The following NEK10 variants were observed in gnomAD, a reference collection of about 807,000 sequenced individuals.
The protein encoded by NEK10 is NIMA related kinase 10, also known as serine/threonine-protein kinase Nek10.
NEK10 carries 122 observed loss-of-function variants against 159.8 expected under a neutral mutation model. The observed-to-expected ratio is 0.76, with a 90% CI of 0.66 to 0.89. The LOEUF is 0.89. Ranked by LOEUF, NEK10 falls within the 40% of genes least tolerant of loss-of-function variation. The pLI is 0.00. For missense variants in NEK10, 1,342 were observed against 1,323.1 expected (o/e 1.01, Z -0.22); for synonymous variants, 466 against 457.1 (o/e 1.02, Z -0.25).
Position 27,340,278 on chromosome 3 carries a change from G to A in NEK10, c.362+3994C>T, listed in dbSNP as rs570386089. The stretch of plus-strand genomic sequence containing the variant: ...AGGAACAGAAAACCAAACACCGCAT[G>A]TTCTCACTCATATGTGGAAGTTGAA... On this transcript the variant is annotated intron_variant, in intron 5 of 35. Transcript: ENST00000691995. Among the ~76,000 whole-genome samples, 11 of 152,272 alleles carry A rather than the reference G, an allele frequency of 7.2e-5. No individual in the cohort carries two copies. In the East Asian group the frequency reaches 2.1e-3, roughly 29 times the overall value.
At chr3:27,273,872 G>T (rs1029518994) in intron 22 of NEK10, among the ~76,000 whole-genome samples, 3 of 152,028 alleles carry the variant, frequency 2.0e-5, no homozygotes, top group African/African-American at 7.3e-5. Flanking sequence ...GTCAGTGAGG[G>T]ACGGGAAGGA....
At chr3:27,212,401 CAAAA>C (rs1340808876) in intron 23 of NEK10, among the ~76,000 whole-genome samples, 1 of 152,170 alleles carries the variant, frequency 6.6e-6, no homozygotes, top group Non-Finnish European at 1.5e-5. Context: ...GGCTGAAGAA[CAAAA>C]GAAATGTATT....
intron 23 of NEK10, among the ~76,000 whole-genome samples, chr3:27,229,788 A>C (rs1187839333): frequency 6.6e-6 from 1 of 152,128 alleles, no homozygotes; most frequent in African/African-American, 2.4e-5. Context: ...GCCCAAAGAA[A>C]AGGCTTTCAA....
At chr3:27,332,195 A>G (rs1425050768) in intron 5 of NEK10, among the ~76,000 whole-genome samples, 1 of 152,236 alleles carries the variant, frequency 6.6e-6, no homozygotes, top group Non-Finnish European at 1.5e-5. Flanking sequence ...TATGAAACCA[A>G]GATGTATTTT....
At chr3:27,292,740 A>T (rs35840701) in intron 16 of NEK10, among the ~76,000 whole-genome samples, 6 of 148,416 alleles carry the variant, frequency 4.0e-5, no homozygotes, top group Admixed American at 3.3e-4. Context: ...AGGCTGAGGC[A>T]GGAGAAGCAA....
At chr3:27,115,001 T>C (rs1438427063) in intron 35 of NEK10, among the ~76,000 whole-genome samples, 2 of 152,204 alleles carry the variant, frequency 1.3e-5, no homozygotes, top group Non-Finnish European at 2.9e-5. Flanking sequence ...AATTCAATAA[T>C]GGAATACCTG....
In NEK10 at chr3:27,210,688, T is replaced by G. The variant is rs1268933682; in HGVS notation, c.2091-8131A>C. 2.0e-5 allele frequency among the ~76,000 whole-genome samples: 3 copies of G among 152,352 alleles called. No individual in the cohort carries two copies. In the East Asian group the frequency reaches 5.8e-4, roughly 29 times the overall value. The stretch of plus-strand genomic sequence containing the variant: ...ATTTCATATTGTTCTTATGTACACA[T>G]GTGCAAGTAATAATTTCTATACCTT... On this transcript the variant is annotated intron_variant, in intron 23 of 35. Coordinates refer to ENST00000691995, the MANE Select transcript of NEK10 (RefSeq NM_001394966.1).
chr3:27,215,087 C>A, intron 23 of NEK10: 1 of 501,926 alleles, frequency 2.0e-6, no homozygotes, highest in Non-Finnish European at 3.7e-6. Flanking sequence ...GCAAGTCTCG[C>A]GAGCTATTTT....
At chr3:27,285,058 C>T (rs930981091) in intron 20 of NEK10, 97 bp from the exon 21 acceptor site, 19 of 872,208 alleles carry the variant, frequency 2.2e-5, no homozygotes, top group African/African-American at 1.2e-4. Flanking sequence ...AGTGTCTGTG[C>T]GGGACACTAA....
At chr3:27,153,208 T>C (rs1248922466) in intron 30 of NEK10, among the ~76,000 whole-genome samples, 1 of 151,414 alleles carries the variant, frequency 6.6e-6, no homozygotes, top group Non-Finnish European at 1.5e-5. Context: ...TAGTCTCAGC[T>C]ACTCGGGAGG....
intron 23 of NEK10, among the ~76,000 whole-genome samples, chr3:27,207,212 C>A (rs1950609590): frequency 6.6e-6 from 1 of 152,114 alleles, no homozygotes; most frequent in Non-Finnish European, 1.5e-5. Context: ...CCTCTAAATG[C>A]TAGTTCTTTC....
At chr3:27,302,324 T>C (rs901070857) in intron 12 of NEK10, among the ~76,000 whole-genome samples, 5 of 152,180 alleles carry the variant, frequency 3.3e-5, no homozygotes, top group African/African-American at 1.2e-4. Flanking sequence ...CTAATTTCTT[T>C]TATTCATTGG....
chr3:27,364,348 T>TTTTGTGTG (rs1431340158), intron 1 of NEK10, among the ~76,000 whole-genome samples: 6 of 120,658 alleles, frequency 5.0e-5, no homozygotes, highest in African/African-American at 1.8e-4. Context: ...GCCTGGCTAA[T>TTTTGTGTG]TGTGTGTGTG....
intron 5 of NEK10, among the ~76,000 whole-genome samples, chr3:27,332,709 T>G (rs571587472): frequency 2.0e-5 from 3 of 152,212 alleles, no homozygotes; most frequent in Non-Finnish European, 4.4e-5. Context: ...GATCTCTGAA[T>G]AGAGGTCAAT....
At chr3:27,286,695 T>G (rs1425864825) in intron 20 of NEK10, among the ~76,000 whole-genome samples, 1 of 152,020 alleles carries the variant, frequency 6.6e-6, no homozygotes, top group Non-Finnish European at 1.5e-5. Context: ...CGGCCGCCAT[T>G]TCCAGTTCTT....
At chr3:27,304,615 G>C (rs2044092674) in intron 12 of NEK10, 132 bp downstream of exon 12, 5 of 650,628 alleles carry the variant, frequency 7.7e-6, no homozygotes, top group African/African-American at 1.8e-5. Flanking sequence ...GATGACTTTG[G>C]AAAGCATGAA....
chr3:27,283,619 C>G (rs565142459), intron 22 of NEK10, among the ~76,000 whole-genome samples: 61 of 152,048 alleles, frequency 4.0e-4, no homozygotes, highest in Non-Finnish European at 8.5e-4. Flanking sequence ...ATGAGGCAGG[C>G]AGGAGAAAGC....
chr3:27,316,066 G>A (rs2045139314), intron 6 of NEK10, among the ~76,000 whole-genome samples: 1 of 152,210 alleles, frequency 6.6e-6, no homozygotes, highest in Non-Finnish European at 1.5e-5. Flanking sequence ...GGGAAAAAAT[G>A]TTAGAAAATT....
In NEK10 at chr3:27,293,643, A is replaced by C. The variant is rs1417591927; in HGVS notation, c.1318T>G (p.Phe440Val). 5 of 1,564,046 alleles carry C rather than the reference A, an allele frequency of 3.2e-6. No individual in the cohort carries two copies. Among genetic ancestry groups the C allele is most frequent in the Non-Finnish European group, 3.5e-6 (4 of 1,138,572 alleles). The change falls in exon 16 of 36, where the codon TTC (phenylalanine) becomes GTC (valine). Residue 440 changes from phenylalanine (F) to valine (V), a missense_variant. Coordinates refer to ENST00000691995, the MANE Select transcript of NEK10 (RefSeq NM_001394966.1). ...CTGAAGAGAAATCTCAAGGCTCTGA[A>C]AGCATAACACTAGAAAACAAAAGGA... is the stretch of plus-strand genomic sequence containing the variant. ...AKSNLLQCYA[F>V]RALRFLFSME...
Sources: allele counts gnomAD v4.1 joint callset (sites outside exome capture counted in the v4.1 genomes callset), GRCh38; gene constraint gnomAD v4.1.1; transcripts MANE v1.5; gene names NCBI Gene and HGNC (gene_info 2026-07-23, HGNC 2026-07-21).